Variants in CNPY1 observed in about 807,000 individuals in gnomAD.
The protein encoded by CNPY1 is protein canopy homolog 1.
In CNPY1, 14 loss-of-function variants were observed where a neutral mutation model predicts 14.4. The observed-to-expected ratio is 0.97, with a 90% CI of 0.64 to 1.52. The LOEUF is 1.52. CNPY1 is among the 40% of genes most tolerant of loss of function. The pLI, the probability that CNPY1 is intolerant of heterozygous loss-of-function variation, is 0.00. For synonymous variants in CNPY1, 43 were observed against 46.5 expected (o/e 0.92, Z 0.31); for missense variants, 129 against 131.5 (o/e 0.98, Z 0.09).
chr7:155,542,034 G>C (rs943400509), intron 2 of CNPY1, among the ~76,000 whole-genome samples: 2 of 151,986 alleles, frequency 1.3e-5, no homozygotes, highest in African/African-American at 4.8e-5. Flanking sequence ...TGCCATGACA[G>C]GGGCAGGGTC....
rs565333659 is a variant in CNPY1, at chr7:155,517,616, G to C, written c.100-8519C>G. 6.6e-5 allele frequency among the ~76,000 whole-genome samples: 10 copies of C among 152,276 alleles called. No individual in the cohort carries two copies. In the South Asian group the frequency reaches 2.1e-3, roughly 32 times the overall value. On this transcript the variant is annotated intron_variant, in intron 2 of 4. Coordinates refer to ENST00000636446, the MANE Select transcript of CNPY1 (RefSeq NM_001393663.1). ...CACGCCAAGCAACACAAAGGTCCCT[G>C]CAGGGCTGCACCTGCACATGCAAAA...
intron 2 of CNPY1, among the ~76,000 whole-genome samples, chr7:155,515,491 C>A (rs1237193264): frequency 6.6e-6 from 1 of 152,188 alleles, no homozygotes; most frequent in Non-Finnish European, 1.5e-5. Context: ...TCACCTCCCC[C>A]ACCCTAGGGA....
intron 2 of CNPY1, among the ~76,000 whole-genome samples, chr7:155,533,513 C>T (rs1796978045): frequency 6.6e-6 from 1 of 152,218 alleles, no homozygotes; most frequent in Non-Finnish European, 1.5e-5. Context: ...CCGGCCCGCG[C>T]AGAGCGGGGC....
chr7:155,506,947 C>G (rs1435893992), intron 4 of CNPY1, 73 bp downstream of exon 4: 2 of 1,003,930 alleles, frequency 2.0e-6, no homozygotes, highest in Non-Finnish European at 1.5e-6. Context: ...GGTCTGCAAA[C>G]AAGACGCTGC....
chr7:155,509,883 C>T (rs1480032653), intron 2 of CNPY1, among the ~76,000 whole-genome samples: 1 of 152,184 alleles, frequency 6.6e-6, no homozygotes, highest in Admixed American at 6.5e-5. Flanking sequence ...GCACCCCTCG[C>T]CCTTGGTAAC....
chr7:155,542,231 G>A (rs898807671), intron 2 of CNPY1, among the ~76,000 whole-genome samples: 17 of 152,094 alleles, frequency 1.1e-4, no homozygotes, highest in Non-Finnish European at 1.9e-4. Flanking sequence ...CAGGGAAGGC[G>A]GAGCTGGGCA....
At chr7:155,535,362 G>T (rs1050229533) in intron 2 of CNPY1, among the ~76,000 whole-genome samples, 5 of 152,214 alleles carry the variant, frequency 3.3e-5, no homozygotes, top group Admixed American at 6.5e-5. Flanking sequence ...GAACACTTGG[G>T]AGAGGAGGAA....
intron 3 of CNPY1, 34 bp from the exon 4 acceptor site, chr7:155,507,150 A>T: frequency 7.5e-7 from 1 of 1,335,668 alleles, no homozygotes; most frequent in Non-Finnish European, 1.1e-6. Context: ...ATGTGGATAG[A>T]CGCACACTGG....
At chr7:155,507,739 A>G (rs1796377183) in intron 3 of CNPY1, among the ~76,000 whole-genome samples, 1 of 152,160 alleles carries the variant, frequency 6.6e-6, no homozygotes, top group Non-Finnish European at 1.5e-5. Flanking sequence ...CCTTTCAGAG[A>G]AGAGGGTGCT....
chr7:155,527,466 A>G (rs1452076540), intron 2 of CNPY1, among the ~76,000 whole-genome samples: 24 of 117,802 alleles, frequency 2.0e-4, no homozygotes, highest in Admixed American at 2.9e-4. Flanking sequence ...TTTTGAGGCA[A>G]GTTCTCACTG....
chr7:155,538,845 C>A (rs1472284442), intron 2 of CNPY1, among the ~76,000 whole-genome samples: 5 of 152,180 alleles, frequency 3.3e-5, no homozygotes, highest in African/African-American at 1.2e-4. Flanking sequence ...TGAGACGTGG[C>A]GTTCACACTG....
chr7:155,507,759 C>A (rs903129832), intron 3 of CNPY1, among the ~76,000 whole-genome samples: 3 of 151,950 alleles, frequency 2.0e-5, no homozygotes, highest in African/African-American at 7.3e-5. Flanking sequence ...TCAAATACAC[C>A]CCTGCATTTG....
chr7:155,519,679 T>G (rs1041891324), intron 2 of CNPY1, among the ~76,000 whole-genome samples: 3 of 152,136 alleles, frequency 2.0e-5, no homozygotes, highest in African/African-American at 2.4e-5. Flanking sequence ...TCCTGTTAAA[T>G]AAAATCTTTT....
intron 3 of CNPY1, among the ~76,000 whole-genome samples, chr7:155,508,401 T>C (rs1796402427): frequency 6.6e-6 from 1 of 152,194 alleles, no homozygotes; most frequent in Non-Finnish European, 1.5e-5. Flanking sequence ...AAAGAGGTGG[T>C]TGCATCACTC....
intron 2 of CNPY1, among the ~76,000 whole-genome samples, chr7:155,514,421 T>A (rs981008063): frequency 3.2e-4 from 49 of 152,358 alleles, no homozygotes; most frequent in African/African-American, 1.2e-3. Context: ...TCTGCATGTT[T>A]CACCGTCTTG....
intron 2 of CNPY1, among the ~76,000 whole-genome samples, chr7:155,534,819 G>A (rs1797004210): frequency 6.6e-6 from 1 of 152,216 alleles, no homozygotes; most frequent in Non-Finnish European, 1.5e-5. Context: ...GAGGGAGCGG[G>A]CGCTGGGCGG....
At chr7:155,504,689 A>AC in intron 4 of CNPY1, among the ~76,000 whole-genome samples, 1 of 145,294 alleles carries the variant, frequency 6.9e-6, no homozygotes, top group South Asian at 2.2e-4. Flanking sequence ...CATACCCCCC[A>AC]ACACACACAC....
intron 2 of CNPY1, among the ~76,000 whole-genome samples, chr7:155,530,999 CGAA>C (rs529540081): frequency 2.6e-5 from 4 of 152,370 alleles, no homozygotes; most frequent in African/African-American, 9.6e-5. Flanking sequence ...TCTCCTGGGA[CGAA>C]GGCTGTCTGC....
rs138080539 is a variant in CNPY1 at position 155,536,430 on chromosome 7, C to T, written c.99+9401G>A. On this transcript the variant is annotated intron_variant, in intron 2 of 4. Coordinates refer to ENST00000636446, the MANE Select transcript of CNPY1 (RefSeq NM_001393663.1). The surrounding 1 kb of genome is among the most constrained non-coding windows in gnomAD (Gnocchi z 4.1). ...AGGTGCCTTTCTTTGTCCCATGCTA[C>T]CAGGCTTCTCTCCAGTGACCAGTGA... is the stretch of plus-strand genomic sequence containing the variant. Among the ~76,000 whole-genome samples the T allele has an allele frequency of 4.0e-3, 602 of 152,252 alleles. No homozygotes were observed. The highest frequency in any genetic ancestry group is 6.6e-3 in the Non-Finnish European group (448 of 68,024).
Sources: allele counts gnomAD v4.1 joint callset (sites outside exome capture counted in the v4.1 genomes callset), GRCh38; gene constraint gnomAD v4.1.1; non-coding constraint Gnocchi (gnomAD v3.1); transcripts MANE v1.5; gene names NCBI Gene and HGNC (gene_info 2026-07-23, HGNC 2026-07-21).